Variants in TRAK2 observed in about 807,000 individuals in gnomAD.
TRAK2 encodes the protein trafficking kinesin-binding protein 2.
In TRAK2, 81 loss-of-function variants were observed where a neutral mutation model predicts 104.6. The ratio of observed to expected loss-of-function variants is 0.77; its 90% CI spans 0.65 to 0.93. The LOEUF is 0.93. Ranked by LOEUF, TRAK2 falls within the 40% of genes least tolerant of loss-of-function variation. The pLI is 0.00. For synonymous variants in TRAK2, 406 were observed against 394.4 expected (o/e 1.03, Z -0.35); for missense variants, 1,002 against 1,089.0 (o/e 0.92, Z 1.12).
chr2:201,444,650 T>G (rs911995229), intron 1 of TRAK2, among the ~76,000 whole-genome samples: 1 of 151,372 alleles, frequency 6.6e-6, no homozygotes, highest in Non-Finnish European at 1.5e-5. Flanking sequence ...ATAATATATT[T>G]GTAATAATAT....
chr2:201,388,560 T>C (rs1951413620), intron 12 of TRAK2, among the ~76,000 whole-genome samples: 1 of 152,230 alleles, frequency 6.6e-6, no homozygotes, highest in East Asian at 1.9e-4. Flanking sequence ...ACTGCATTTT[T>C]ATAGTTGTCT....
chr2:201,429,344 A>G (rs1389086230), intron 1 of TRAK2, among the ~76,000 whole-genome samples: 2 of 152,184 alleles, frequency 1.3e-5, no homozygotes, highest in Admixed American at 1.3e-4. Context: ...TGTGTCTTGC[A>G]GTTGCTCTTC....
At chr2:201,407,731 A>AT (rs1404468711) in intron 2 of TRAK2, 134 bp from the exon 3 acceptor site, 1 of 724,050 alleles carries the variant, frequency 1.4e-6, no homozygotes, top group Non-Finnish European at 2.1e-6. Context: ...TTCTCCACTG[A>AT]TTTTTATTAG....
At chr2:201,411,800 T>C in intron 2 of TRAK2, 1 of 810,114 alleles carries the variant, frequency 1.2e-6, no homozygotes. Context: ...AGCACACTAA[T>C]GAATTTACAG....
intron 3 of TRAK2, among the ~76,000 whole-genome samples, chr2:201,404,852 G>C (rs1172675039): frequency 6.6e-6 from 1 of 152,170 alleles, no homozygotes; most frequent in Non-Finnish European, 1.5e-5. Flanking sequence ...GACACCTACA[G>C]GCAGGTCTTG....
At chr2:201,435,760 C>G (rs1019508068) in intron 1 of TRAK2, among the ~76,000 whole-genome samples, 1 of 152,156 alleles carries the variant, frequency 6.6e-6, no homozygotes, top group African/African-American at 2.4e-5. Flanking sequence ...GGTAAGGCCT[C>G]ATAGCATCAA....
Position 201,389,298 on chromosome 2 carries a change from A to C in TRAK2, c.1397+2T>G. On this transcript the variant is annotated splice_donor_variant, in intron 12 of 15. Transcript: ENST00000332624. LOFTEE classifies it high-confidence loss of function. ...GAATCACTGTTATCATCGGATTCCT[A>C]CCCTGCAACCTCCTCTGAGCTGCTC... is the stretch of plus-strand genomic sequence containing the variant. 1 of 1,613,972 alleles carries C rather than the reference A, an allele frequency of 6.2e-7. No homozygotes were observed. The highest frequency in any genetic ancestry group is 8.5e-7 in the Non-Finnish European group (1 of 1,179,842).
chr2:201,387,885 T>C lies in TRAK2; in HGVS notation c.1514A>G (p.Glu505Gly), dbSNP rs1384989864. The change falls in exon 13 of 16, where the codon GAA becomes GGA. Residue 505 changes from glutamate (E) to glycine (G), a missense_variant. Coordinates refer to ENST00000332624, the MANE Select transcript of TRAK2 (RefSeq NM_015049.3). ...NYLSEKQFFA[E>G]EWQRKIQVLA... ...AACCTGGATCTTCCGCTGCCATTCT[T>C]CAGCAAAGAACTGCTTCTCACTTAA... 6.2e-7 allele frequency: 1 copy of C among 1,614,208 alleles called. No homozygotes were observed. The highest frequency in any genetic ancestry group is 8.5e-7 in the Non-Finnish European group (1 of 1,180,024).
At position 201,399,491 on chromosome 2, in the gene TRAK2, C is replaced by T. The variant is rs373188138; in HGVS notation, c.366G>A (p.Arg122=). The change falls in exon 5 of 16, where the codon AGG becomes AGA. Residue 122 remains arginine (R), a splice_region_variant and synonymous_variant. Transcript: ENST00000332624. ...IDMVTHLLAE[R]DRDLELAARI... The stretch of plus-strand genomic sequence containing the variant: ...GAGCAGCGAGTTCCAGATCACGATC[C>T]CTCTGTTAAAATACCAAATACACCT... 9 of 1,610,396 alleles carry T rather than the reference C, an allele frequency of 5.6e-6. No individual in the cohort carries two copies. The African/African-American group carries it at 9.4e-5, about 17-fold the overall frequency.
chr2:201,408,996 AG>A (rs1036671890), intron 2 of TRAK2, among the ~76,000 whole-genome samples: 16 of 152,194 alleles, frequency 1.1e-4, no homozygotes, highest in African/African-American at 3.6e-4. Flanking sequence ...GAAATCGGAA[AG>A]GGGAGGGGAA....
chr2:201,395,970 A>G (rs1576511727), intron 7 of TRAK2, among the ~76,000 whole-genome samples: 1 of 152,322 alleles, frequency 6.6e-6, no homozygotes, highest in South Asian at 2.1e-4. Context: ...TTTCTGGCAT[A>G]CCCCTTTCAG....
At chr2:201,446,147 G>A (rs138599044) in intron 1 of TRAK2, among the ~76,000 whole-genome samples, 15 of 150,526 alleles carry the variant, frequency 1.0e-4, no homozygotes, top group African/African-American at 2.9e-4. Flanking sequence ...CTCACTCCCC[G>A]AGAATTCTCT....
At chr2:201,388,112 T>C in intron 12 of TRAK2, 111 bp from the exon 13 acceptor site, 1 of 1,133,846 alleles carries the variant, frequency 8.8e-7, no homozygotes. Flanking sequence ...AAACATGATA[T>C]TTTCCTAGAT....
intron 2 of TRAK2, chr2:201,413,058 G>A (rs1202835446): frequency 1.2e-6 from 1 of 822,410 alleles, no homozygotes; most frequent in South Asian, 1.4e-5. Flanking sequence ...CCTCATTTTA[G>A]AGAATCAATT....
At chr2:201,395,539 C>A in intron 7 of TRAK2, 95 bp from the exon 8 acceptor site, 1 of 1,256,548 alleles carries the variant, frequency 8.0e-7, no homozygotes, top group Non-Finnish European at 1.1e-6. Flanking sequence ...TTATAACAAG[C>A]ACTGGACTGT....
At position 201,390,052 on chromosome 2, in the gene TRAK2, T is replaced by A. The variant is rs975936691; in HGVS notation, c.1114-172A>T. On this transcript the variant is annotated intron_variant, in intron 10 of 15. Transcript: ENST00000332624. ...AACTTTTAAATAAGAACCAACTACC[T>A]TTTCATAATCTTTTCAAATAGGAAA... Among the ~76,000 whole-genome samples the A allele has an allele frequency of 3.9e-5, 6 of 152,310 alleles. No individual in the cohort carries two copies. In the East Asian group the frequency reaches 9.6e-4, roughly 24 times the overall value.
At chr2:201,386,725 A>C (rs1431497300) in intron 13 of TRAK2, among the ~76,000 whole-genome samples, 2 of 152,172 alleles carry the variant, frequency 1.3e-5, no homozygotes, top group African/African-American at 4.8e-5. Flanking sequence ...GTGAAAAAAA[A>C]CCCAAGGAGA....
At chr2:201,401,227 T>A in intron 3 of TRAK2, 133 bp from the exon 4 acceptor site, 1 of 522,040 alleles carries the variant, frequency 1.9e-6, no homozygotes, top group Admixed American at 3.6e-5. Context: ...AATAAAAATA[T>A]ATGTGAAAAA....
chr2:201,397,526 C>T lies in TRAK2; in HGVS notation c.745G>A (p.Val249Ile). The change falls in exon 7 of 16, where the codon GTC becomes ATC. Residue 249 changes from valine to isoleucine, a missense_variant. Val to Ile is a conservative substitution (Grantham distance 29). Coordinates refer to ENST00000332624, the MANE Select transcript of TRAK2 (RefSeq NM_015049.3). ...VTYEEKEQQL[V>I]SDCVKELRET... ...CGAAGTTCTTTAACACAGTCGCTGA[C>T]AAGCTGTTGTTCCTTTTCTTCATAG... 1 of 1,612,780 alleles carries T rather than the reference C, an allele frequency of 6.2e-7. No individual in the cohort carries two copies. Among genetic ancestry groups the T allele is most frequent in the Non-Finnish European group, 8.5e-7 (1 of 1,179,222 alleles).
Sources: allele counts gnomAD v4.1 joint callset (sites outside exome capture counted in the v4.1 genomes callset), GRCh38; gene constraint gnomAD v4.1.1; transcripts MANE v1.5; gene names NCBI Gene and HGNC (gene_info 2026-07-23, HGNC 2026-07-21).